The following DPP10 variants were observed in gnomAD, a reference collection of about 807,000 sequenced individuals.
DPP10 encodes dipeptidyl peptidase like 10.
A neutral mutation model predicts 120.9 loss-of-function variants in DPP10; 33 were observed. That is an observed-to-expected ratio of 0.27 (90% CI 0.21 to 0.37). DPP10 has a LOEUF of 0.37. Ranked by LOEUF, DPP10 falls within the 10% of genes least tolerant of loss-of-function variation. DPP10 has a pLI of 1.00. For missense variants in DPP10, 816 were observed against 942.8 expected (o/e 0.87, Z 1.76); for synonymous variants, 337 against 326.1 (o/e 1.03, Z -0.36).
intron 1 of DPP10, among the ~76,000 whole-genome samples, chr2:114,840,361 G>T (rs1040472581): frequency 6.6e-6 from 1 of 152,028 alleles, no homozygotes; most frequent in Non-Finnish European, 1.5e-5. Flanking sequence ...GAGGGCGAGG[G>T]GCATTCCGTT....
At chr2:114,738,572 G>A (rs539994704) in intron 1 of DPP10, among the ~76,000 whole-genome samples, 211 of 152,232 alleles carry the variant, frequency 1.4e-3, no homozygotes, top group African/African-American at 4.9e-3. Context: ...GAGGAGCACC[G>A]GCCTGTGTGA....
At chr2:115,383,148 G>A (rs1470410569) in intron 3 of DPP10, among the ~76,000 whole-genome samples, 1 of 152,208 alleles carries the variant, frequency 6.6e-6, no homozygotes, top group Admixed American at 6.5e-5. Context: ...TGAATATTGA[G>A]TGATGATGTG....
Position 114,798,342 on chromosome 2 carries a change from G to A in DPP10, c.60+355504G>A, listed in dbSNP as rs976326761. Among the ~76,000 whole-genome samples, 35 of 152,082 alleles carry A rather than the reference G, an allele frequency of 2.3e-4. 1 individual carries two copies. Among genetic ancestry groups the A allele is most frequent in the Admixed American group, 1.7e-3 (26 of 15,272 alleles). On this transcript the variant is annotated intron_variant, in intron 1 of 25. Coordinates refer to ENST00000410059, the MANE Select transcript of DPP10 (RefSeq NM_020868.6). ...ATGTTAACATTAGGAAAAATCAGAA[G>A]GTGGTATACTAGAAATCACTGTACT...
intron 1 of DPP10, among the ~76,000 whole-genome samples, chr2:114,548,765 C>T (rs958240681): frequency 1.3e-5 from 2 of 152,218 alleles, no homozygotes; most frequent in African/African-American, 4.8e-5. Context: ...AAATGACATC[C>T]TTTCTCTCCA....
intron 5 of DPP10, chr2:115,579,700 C>T (rs538555909): frequency 6.6e-6 from 1 of 152,328 alleles, no homozygotes; most frequent in South Asian, 2.1e-4. Context: ...ATATACATTT[C>T]ACTCAGAATC....
chr2:115,782,976 CAGTAA>C (rs1324991273), intron 17 of DPP10, among the ~76,000 whole-genome samples: 2 of 151,992 alleles, frequency 1.3e-5, no homozygotes, highest in African/African-American at 4.8e-5. Flanking sequence ...CAAGAACTTA[CAGTAA>C]AGTAGATAAA....
chr2:115,369,347 T>C (rs1326077778), intron 3 of DPP10, among the ~76,000 whole-genome samples: 1 of 152,104 alleles, frequency 6.6e-6, no homozygotes, highest in East Asian at 1.9e-4. Flanking sequence ...ATTATTATAA[T>C]AAAAAAGGCA....
intron 1 of DPP10, among the ~76,000 whole-genome samples, chr2:115,018,618 G>T (rs902959008): frequency 2.0e-5 from 3 of 152,016 alleles, no homozygotes; most frequent in Non-Finnish European, 4.4e-5. Context: ...GGAACAGAAA[G>T]CCAAACACCA....
Position 115,802,021 on chromosome 2 carries a change from C to T in DPP10, c.1700+10665C>T, listed in dbSNP as rs1388565346. On this transcript the variant is annotated intron_variant, in intron 19 of 25. Coordinates refer to ENST00000410059, the MANE Select transcript of DPP10 (RefSeq NM_020868.6). ...TCAGAAGGAATGGTACCAGCTCCTC[C>T]TTGTACCTCTGGTAGAATTCGGCTG... is the stretch of plus-strand genomic sequence containing the variant. Among the ~76,000 whole-genome samples, 14 of 151,992 alleles carry T rather than the reference C, an allele frequency of 9.2e-5. No individual in the cohort carries two copies. In the Admixed American group the frequency reaches 9.2e-4, roughly 10 times the overall value.
intron 1 of DPP10, among the ~76,000 whole-genome samples, chr2:115,227,449 T>G (rs551058819): frequency 2.1e-4 from 32 of 152,188 alleles, no homozygotes; most frequent in Non-Finnish European, 4.1e-4. Flanking sequence ...AAATGTAATT[T>G]GCATACAGTG....
intron 1 of DPP10, among the ~76,000 whole-genome samples, chr2:114,775,158 C>T (rs536303413): frequency 2.1e-3 from 325 of 152,170 alleles, no homozygotes; most frequent in African/African-American, 7.4e-3. Flanking sequence ...ATTATATCTG[C>T]AAAATCTTGA....
chr2:115,423,743 G>A (rs2070200808), intron 3 of DPP10, among the ~76,000 whole-genome samples: 1 of 152,120 alleles, frequency 6.6e-6, no homozygotes, highest in South Asian at 2.1e-4. Context: ...TGGGACTGTT[G>A]TCTGATACTA....
chr2:115,024,482 T>G (rs1466765430), intron 1 of DPP10, among the ~76,000 whole-genome samples: 1 of 151,768 alleles, frequency 6.6e-6, no homozygotes, highest in Non-Finnish European at 1.5e-5. Context: ...TTGCTTAGGA[T>G]TTATAGTACA....
chr2:115,496,672 C>T lies in DPP10; in HGVS notation c.272-2838C>T, dbSNP rs531925265. The stretch of plus-strand genomic sequence containing the variant: ...TATGGCTTTTCTTTCTCTCTAACAC[C>T]ACAGACCTCATCTCAATTTAAAATT... On this transcript the variant is annotated intron_variant, in intron 3 of 25. Coordinates refer to ENST00000410059, the MANE Select transcript of DPP10 (RefSeq NM_020868.6). Among the ~76,000 whole-genome samples the T allele has an allele frequency of 3.9e-5, 6 of 152,208 alleles. No homozygotes were observed. The East Asian group carries it at 1.2e-3, about 29-fold the overall frequency.
intron 1 of DPP10, among the ~76,000 whole-genome samples, chr2:114,522,171 A>C (rs920906163): frequency 6.7e-6 from 1 of 150,150 alleles, no homozygotes; most frequent in Non-Finnish European, 1.5e-5. Context: ...TTTTTAGTAG[A>C]GACGGGGTTT....
intron 21 of DPP10, among the ~76,000 whole-genome samples, chr2:115,823,808 G>C (rs1052650124): frequency 6.6e-6 from 1 of 152,150 alleles, no homozygotes; most frequent in African/African-American, 2.4e-5. Flanking sequence ...TCATCAATGA[G>C]GCTGAAACAA....
At chr2:115,150,909 A>G (rs2051506007) in intron 1 of DPP10, among the ~76,000 whole-genome samples, 1 of 152,192 alleles carries the variant, frequency 6.6e-6, no homozygotes, top group Admixed American at 6.5e-5. Context: ...ATTGATTTAA[A>G]TTCTTCTGTT....
At chr2:115,704,052 G>T (rs1490854932) in intron 7 of DPP10, among the ~76,000 whole-genome samples, 1 of 151,832 alleles carries the variant, frequency 6.6e-6, no homozygotes, top group Non-Finnish European at 1.5e-5. Flanking sequence ...GTTATAAAAT[G>T]TCATTGAAGT....
intron 5 of DPP10, among the ~76,000 whole-genome samples, chr2:115,564,188 A>G (rs1309881295): frequency 1.3e-5 from 2 of 151,898 alleles, no homozygotes; most frequent in African/African-American, 4.8e-5. Flanking sequence ...TATATTTAAT[A>G]AAATGAGGTC....
Sources: gnomAD v4.1 joint callset for allele counts (sites outside exome capture counted in the v4.1 genomes callset) on GRCh38, gnomAD v4.1.1 for gene constraint, MANE v1.5 for transcripts, NCBI Gene and HGNC (gene_info 2026-07-23, HGNC 2026-07-21) for gene names.